SLCO1B1: variants seen among roughly 807,000 people sequenced by gnomAD.
The protein encoded by SLCO1B1 is OATP-2.
A neutral mutation model predicts 70.1 loss-of-function variants in SLCO1B1; 81 were observed. That is an observed-to-expected ratio of 1.16 (90% CI 0.97 to 1.39). The LOEUF (loss-of-function observed/expected upper bound fraction) is 1.39. Ranked by LOEUF, SLCO1B1 falls within the 40% of genes most tolerant of loss-of-function variation. The pLI is 0.00. For synonymous variants in SLCO1B1, 283 were observed against 271.5 expected, an observed-to-expected ratio of 1.04 and a Z score of -0.42; for missense variants, 895 against 799.6, an observed-to-expected ratio of 1.12 and a Z score of -1.44.
rs1940325623 is a variant in SLCO1B1, at chr12:21,142,522, AT to A, written c.84+865del. ...TTTATTTAGTCAAATTTGTAGTCTTATACAGCTGAATAAAGGCCACCAAGAT... is the reference window on the plus strand; with the variant it reads ...TTTATTTAGTCAAATTTGTAGTCTTAACAGCTGAATAAAGGCCACCAAGAT... On this transcript the variant is annotated intron_variant, in intron 2 of 14. Transcript: ENST00000256958. 2.0e-5 allele frequency among the ~76,000 whole-genome samples: 3 copies of A among 151,996 alleles called. 1 individual carries two copies. In the South Asian group the frequency reaches 6.2e-4, roughly 32 times the overall value.
At position 21,178,972 on chromosome 12, in the gene SLCO1B1, G is replaced by A. The variant is rs771615107; in HGVS notation, c.679G>A (p.Gly227Arg). 1.9e-6 allele frequency: 3 copies of A among 1,611,926 alleles called. No individual in the cohort carries two copies. Among genetic ancestry groups the A allele is most frequent in the Middle Eastern group, 3.3e-4 (2 of 6,044 alleles). ...MIGPIIGFTL[G>R]SLFSKMYVDI... ...TGGTCCAATCATTGGCTTTACCCTG[G>A]GATCTCTGTTTTCTAAAATGTACGT... is the stretch of plus-strand genomic sequence containing the variant. The change falls in exon 7 of 15, where the codon GGA becomes AGA. Residue 227 changes from glycine (G) to arginine (R), a missense_variant. Coordinates refer to ENST00000256958, the MANE Select transcript of SLCO1B1 (RefSeq NM_006446.5).
chr12:21,231,978 T>C (rs1409173384), intron 14 of SLCO1B1, among the ~76,000 whole-genome samples: 1 of 152,168 alleles, frequency 6.6e-6, no homozygotes, highest in Non-Finnish European at 1.5e-5. Flanking sequence ...TAACTGAGGT[T>C]GTAACTTAAC....
Position 21,239,092 on chromosome 12 carries a change from A to T in SLCO1B1, c.1979A>T (p.Glu660Val). ...KYQEKDINASENGSVMDEANL... is the reference protein window; with the variant it reads ...KYQEKDINASVNGSVMDEANL... ...CAAGAGAAAGATATCAATGCATCAG[A>T]AAATGGAAGTGTCATGGATGAAGCA... Residue 660 changes from glutamate to valine, a missense_variant, in exon 15 of 15, where the codon GAA becomes GTA. Physicochemically the swap from Glu to Val is moderately radical, Grantham distance 121. Transcript: ENST00000256958. The T allele has an allele frequency of 3.1e-6, 5 of 1,609,208 alleles. No individual in the cohort carries two copies. The highest frequency in any genetic ancestry group is 4.3e-6 in the Non-Finnish European group (5 of 1,176,004).
chr12:21,194,569 A>G lies in SLCO1B1; in HGVS notation c.728-2377A>G, dbSNP rs1941070466. Reference sequence around the variant, plus strand: ...ATGTCACGATCTGCATTTTGGTCATAATCATTTATCAGTTTCCAAGAAGTT... The same window carrying G: ...ATGTCACGATCTGCATTTTGGTCATGATCATTTATCAGTTTCCAAGAAGTT... On this transcript the variant is annotated intron_variant, in intron 7 of 14. Coordinates refer to ENST00000256958, the MANE Select transcript of SLCO1B1 (RefSeq NM_006446.5). 3.3e-5 allele frequency among the ~76,000 whole-genome samples: 5 copies of G among 152,156 alleles called. No individual in the cohort carries two copies. In the South Asian group the frequency reaches 1.0e-3, roughly 32 times the overall value.
At chr12:21,224,603 T>A in intron 13 of SLCO1B1, 119 bp from the exon 14 acceptor site, 1 of 709,806 alleles carries the variant, frequency 1.4e-6, no homozygotes. Context: ...AACAAAATAA[T>A]AAACGAATCC....
At chr12:21,231,236 G>A (rs929003177) in intron 14 of SLCO1B1, among the ~76,000 whole-genome samples, 1 of 151,928 alleles carries the variant, frequency 6.6e-6, no homozygotes. Context: ...ATGGACATTT[G>A]GGTTGGTTCC....
At chr12:21,214,893 A>G (rs1591823889) in intron 11 of SLCO1B1, among the ~76,000 whole-genome samples, 1 of 151,890 alleles carries the variant, frequency 6.6e-6, no homozygotes, top group Non-Finnish European at 1.5e-5. Context: ...GCGCTTCCCA[A>G]GCCAGGCAAT....
chr12:21,214,238 TC>T (rs1266598748), intron 11 of SLCO1B1, among the ~76,000 whole-genome samples: 19 of 152,130 alleles, frequency 1.2e-4, no homozygotes, highest in African/African-American at 3.6e-4. Context: ...AGATGGGTTT[TC>T]GGTGTGGATG....
At chr12:21,142,284 A>C (rs1940321538) in intron 2 of SLCO1B1, among the ~76,000 whole-genome samples, 1 of 151,942 alleles carries the variant, frequency 6.6e-6, no homozygotes, top group Non-Finnish European at 1.5e-5. Flanking sequence ...TGAGGTATTA[A>C]GTGATGCTGG....
At chr12:21,151,189 A>T (rs1487113836) in intron 2 of SLCO1B1, among the ~76,000 whole-genome samples, 1 of 152,196 alleles carries the variant, frequency 6.6e-6, no homozygotes, top group Non-Finnish European at 1.5e-5. Context: ...AACATATCTG[A>T]GCACAGAAAA....
In SLCO1B1 at chr12:21,190,371, T is replaced by G. The variant is rs974139544; in HGVS notation, c.728-6575T>G. Among the ~76,000 whole-genome samples the G allele has an allele frequency of 1.9e-4, 29 of 152,012 alleles. 2 individuals are homozygous for G. The South Asian group carries it at 3.7e-3, about 20-fold the overall frequency. ...GGGACTGCTACTCACTCTTTGGCAG[T>G]CCCCTAGCCACTCTTTCACCACATA... is the stretch of plus-strand genomic sequence containing the variant. On this transcript the variant is annotated intron_variant, in intron 7 of 14. Transcript: ENST00000256958.
chr12:21,197,467 A>T (rs11045855), intron 8 of SLCO1B1, among the ~76,000 whole-genome samples: 1,541 of 152,196 alleles, frequency 0.01, 36 homozygotes, highest in South Asian at 0.04. Context: ...GTAAATATTA[A>T]TTTTAGTATT....
At chr12:21,136,133 T>G (rs900096626) in intron 1 of SLCO1B1, among the ~76,000 whole-genome samples, 4 of 152,206 alleles carry the variant, frequency 2.6e-5, no homozygotes, top group African/African-American at 4.8e-5. Flanking sequence ...GAAAATTCTT[T>G]TCTTTAAGAA....
chr12:21,148,545 T>G (rs761554703), intron 2 of SLCO1B1, among the ~76,000 whole-genome samples: 2 of 151,996 alleles, frequency 1.3e-5, no homozygotes, highest in Non-Finnish European at 2.9e-5. Flanking sequence ...ATTTCTGAGG[T>G]CTCTGTTCTG....
At chr12:21,133,656 T>C (rs1036682740) in intron 1 of SLCO1B1, among the ~76,000 whole-genome samples, 10 of 152,186 alleles carry the variant, frequency 6.6e-5, no homozygotes, top group African/African-American at 1.9e-4. Context: ...TGTATAAGAA[T>C]GCTTGTGATT....
At chr12:21,205,806 C>T in intron 10 of SLCO1B1, 62 bp from the exon 11 acceptor site, 4 of 1,221,652 alleles carry the variant, frequency 3.3e-6, no homozygotes, top group Non-Finnish European at 2.4e-6. Flanking sequence ...CCTTCTCCTC[C>T]CCTTCTTTGT....
chr12:21,174,259 A>G (rs1304375599), intron 3 of SLCO1B1, among the ~76,000 whole-genome samples: 2 of 152,196 alleles, frequency 1.3e-5, no homozygotes, highest in Non-Finnish European at 2.9e-5. Context: ...AAAGAAACGC[A>G]TGAAGGAGCA....
intron 4 of SLCO1B1, among the ~76,000 whole-genome samples, chr12:21,176,115 T>C (rs2121103803): frequency 6.6e-6 from 1 of 152,246 alleles, no homozygotes; most frequent in Admixed American, 6.5e-5. Context: ...CAGGACCTTA[T>C]ATATTAAACT....
At chr12:21,157,893 C>T (rs1201590622) in intron 2 of SLCO1B1, among the ~76,000 whole-genome samples, 2 of 152,106 alleles carry the variant, frequency 1.3e-5, no homozygotes, top group African/African-American at 4.8e-5. Context: ...AGCCACCGTG[C>T]CCGGCCAAGA....
Sources: allele counts gnomAD v4.1 joint callset (sites outside exome capture counted in the v4.1 genomes callset), GRCh38; gene constraint gnomAD v4.1.1; transcripts MANE v1.5; gene names NCBI Gene and HGNC (gene_info 2026-07-23, HGNC 2026-07-21).